ANKS1B: variants seen among roughly 807,000 people sequenced by gnomAD.
The protein encoded by ANKS1B is ankyrin repeat and sterile alpha motif domain-containing protein 1B.
A neutral mutation model predicts 148.3 loss-of-function variants in ANKS1B; 36 were observed. That is an observed-to-expected ratio of 0.24 (90% CI 0.19 to 0.32). ANKS1B has a LOEUF of 0.32. Ranked by LOEUF, ANKS1B falls within the 10% of genes least tolerant of loss-of-function variation. The pLI is 1.00. For missense variants in ANKS1B, 1,157 were observed against 1,542.6 expected (o/e 0.75, Z 4.19); for synonymous variants, 542 against 560.8 (o/e 0.97, Z 0.47).
At chr12:99,216,356 G>A (rs1330220898) in intron 14 of ANKS1B, among the ~76,000 whole-genome samples, 1 of 152,196 alleles carries the variant, frequency 6.6e-6, no homozygotes, top group Non-Finnish European at 1.5e-5. Context: ...AGGTCTTAAT[G>A]AGAGAATAAC....
intron 17 of ANKS1B, among the ~76,000 whole-genome samples, chr12:98,835,869 C>T (rs555453856): frequency 6.6e-6 from 1 of 152,312 alleles, no homozygotes; most frequent in South Asian, 2.1e-4. Flanking sequence ...CTGATGGTAA[C>T]TTCCATTTAC....
At chr12:99,308,387 T>G (rs1281792849) in intron 12 of ANKS1B, among the ~76,000 whole-genome samples, 2 of 152,040 alleles carry the variant, frequency 1.3e-5, no homozygotes, top group Non-Finnish European at 2.9e-5. Context: ...GAGAAAATAC[T>G]GCAATATAAT....
chr12:99,173,775 C>T (rs984207274), intron 14 of ANKS1B, among the ~76,000 whole-genome samples: 7 of 152,084 alleles, frequency 4.6e-5, no homozygotes, highest in Non-Finnish European at 7.4e-5. Flanking sequence ...AGCATGTGTC[C>T]TTCTCTTCTG....
intron 12 of ANKS1B, among the ~76,000 whole-genome samples, chr12:99,378,658 A>G (rs1038510324): frequency 3.6e-5 from 5 of 137,660 alleles, no homozygotes; most frequent in African/African-American, 5.8e-5. Context: ...ATCTCAAAAA[A>G]AAAAAAAAAA....
At chr12:99,215,614 G>C (rs2084040936) in intron 14 of ANKS1B, among the ~76,000 whole-genome samples, 1 of 152,214 alleles carries the variant, frequency 6.6e-6, no homozygotes, top group South Asian at 2.1e-4. Context: ...AGTCAAAGGA[G>C]ATCATTTTTG....
intron 3 of ANKS1B, among the ~76,000 whole-genome samples, chr12:99,806,906 G>C (rs1014154165): frequency 1.3e-5 from 2 of 151,884 alleles, no homozygotes; most frequent in African/African-American, 4.8e-5. Context: ...CACTTTAATC[G>C]AAAACAATCC....
At chr12:98,969,850 C>G (rs2099881684) in intron 17 of ANKS1B, among the ~76,000 whole-genome samples, 1 of 152,182 alleles carries the variant, frequency 6.6e-6, no homozygotes, top group African/African-American at 2.4e-5. Context: ...ACTCCACGAC[C>G]CAGGCTCATT....
intron 15 of ANKS1B, among the ~76,000 whole-genome samples, chr12:99,135,969 C>T (rs2067907371): frequency 6.6e-6 from 1 of 151,742 alleles, no homozygotes; most frequent in Non-Finnish European, 1.5e-5. Flanking sequence ...GGAGATGGGT[C>T]CCAGGAAAAA....
At chr12:99,733,615 C>T (rs1446333199) in intron 8 of ANKS1B, among the ~76,000 whole-genome samples, 1 of 152,148 alleles carries the variant, frequency 6.6e-6, no homozygotes, top group Non-Finnish European at 1.5e-5. Context: ...CATGATGAAA[C>T]TGAAGCACAA....
chr12:99,681,529 C>T (rs879849536), intron 8 of ANKS1B, among the ~76,000 whole-genome samples: 8 of 152,140 alleles, frequency 5.3e-5, no homozygotes, highest in Non-Finnish European at 1.2e-4. Flanking sequence ...TGCAGACACT[C>T]CCCAGTACCA....
chr12:99,655,935 G>T (rs1362058327), intron 8 of ANKS1B, among the ~76,000 whole-genome samples: 9 of 152,136 alleles, frequency 5.9e-5, no homozygotes. Context: ...CATGTGGAAA[G>T]AATTGGAGGG....
intron 1 of ANKS1B, among the ~76,000 whole-genome samples, chr12:99,924,942 A>T (rs182613907): frequency 6.6e-6 from 1 of 152,168 alleles, no homozygotes; most frequent in African/African-American, 2.4e-5. Flanking sequence ...TCACTACTAG[A>T]TGCAGTATAA....
intron 1 of ANKS1B, among the ~76,000 whole-genome samples, chr12:99,915,429 G>C (rs994630010): frequency 6.6e-6 from 1 of 152,102 alleles, no homozygotes; most frequent in Non-Finnish European, 1.5e-5. Context: ...AGAGGAGAGT[G>C]CTTTCATATG....
chr12:98,976,413 G>A (rs192088784), intron 17 of ANKS1B: 2 of 152,300 alleles, frequency 1.3e-5, no homozygotes, highest in East Asian at 3.9e-4. Flanking sequence ...AGAAGAAAGT[G>A]TCTTGACTAA....
At chr12:99,287,509 C>T (rs78890557) in intron 12 of ANKS1B, among the ~76,000 whole-genome samples, 324 of 152,182 alleles carry the variant, frequency 2.1e-3, no homozygotes, top group African/African-American at 7.0e-3. Context: ...AATAAATGAA[C>T]ACCCACAAGC....
At chr12:99,209,998 C>G (rs1222740538) in intron 14 of ANKS1B, among the ~76,000 whole-genome samples, 2 of 152,156 alleles carry the variant, frequency 1.3e-5, no homozygotes, top group Non-Finnish European at 2.9e-5. Flanking sequence ...ATAAAGCTCT[C>G]TCACCCTAAA....
At chr12:99,502,092 G>C (rs1027724257) in intron 10 of ANKS1B, among the ~76,000 whole-genome samples, 1 of 152,022 alleles carries the variant, frequency 6.6e-6, no homozygotes, top group African/African-American at 2.4e-5. Flanking sequence ...ATTAGTTTTT[G>C]ACTACTTAAT....
intron 14 of ANKS1B, among the ~76,000 whole-genome samples, chr12:99,233,458 G>T (rs936439306): frequency 3.3e-5 from 5 of 152,106 alleles, no homozygotes; most frequent in Admixed American, 6.6e-5. Flanking sequence ...GCATGATGAT[G>T]TAGAATATAT....
intron 17 of ANKS1B, among the ~76,000 whole-genome samples, chr12:99,045,083 G>A (rs1013297887): frequency 1.3e-5 from 2 of 152,108 alleles, no homozygotes; most frequent in Admixed American, 6.5e-5. Context: ...AGGGTCAAAC[G>A]GAAGCAGCTT....
Sources: gnomAD v4.1 joint callset for allele counts (sites outside exome capture counted in the v4.1 genomes callset) on GRCh38, gnomAD v4.1.1 for gene constraint, MANE v1.5 for transcripts, NCBI Gene and HGNC (gene_info 2026-07-23, HGNC 2026-07-21) for gene names.